DMKN: variants seen among roughly 807,000 people sequenced by gnomAD.
The protein encoded by DMKN is epidermis-specific secreted protein SK30/SK89.
A neutral mutation model predicts 67.6 loss-of-function variants in DMKN; 58 were observed. The ratio of observed to expected loss-of-function variants is 0.86; its 90% CI spans 0.69 to 1.07. DMKN has a LOEUF of 1.07. Ranked by LOEUF, DMKN falls within the 50% of genes least tolerant of loss-of-function variation. The probability of loss-of-function intolerance (pLI) is 0.00; values close to 1 mark genes in which losing one functional copy is unlikely to be tolerated. For missense variants in DMKN, 596 were observed against 601.5 expected (o/e 0.99, Z 0.10); for synonymous variants, 240 against 232.3 (o/e 1.03, Z -0.30).
chr19:35,502,507 G>T (rs1313503649), intron 10 of DMKN, among the ~76,000 whole-genome samples: 1 of 151,872 alleles, frequency 6.6e-6, no homozygotes, highest in Non-Finnish European at 1.5e-5. Flanking sequence ...AGACTATCCT[G>T]GCTAACATGG....
chr19:35,500,780 A>G (rs1055274038), intron 11 of DMKN, among the ~76,000 whole-genome samples, 200 bp from the exon 12 acceptor site: 2 of 152,244 alleles, frequency 1.3e-5, no homozygotes, highest in African/African-American at 4.8e-5. Flanking sequence ...GGAGAGAACC[A>G]GGTTTGGCAA....
At chr19:35,511,867 C>T in intron 3 of DMKN, 54 bp from the exon 4 acceptor site, 1 of 1,568,662 alleles carries the variant, frequency 6.4e-7, no homozygotes, top group South Asian at 1.2e-5. Context: ...GAGACGTTGG[C>T]CTCGGCCATG....
rs555728867 is a variant in DMKN at position 35,512,330 on chromosome 19, C to A, written c.684+91G>T. On this transcript the variant is annotated intron_variant, in intron 3 of 15. Coordinates refer to ENST00000339686, the MANE Select transcript of DMKN (RefSeq NM_033317.5). ...TTCCTCTCACCCCAATCCCTCCACT[C>A]CCCCATCTTGCTTTCCTCTTTGTCT... The A allele has an allele frequency of 6.6e-4, 1,007 of 1,521,388 alleles. 4 individuals carry two copies. In the African/African-American group the frequency reaches 0.013, roughly 19 times the overall value. The allele number at this position is 1,521,388 out of a possible 1,614,324, so 94.2% of individuals were successfully genotyped here. A position where few individuals can be genotyped will look rare whatever the true frequency, so the allele number is the denominator to read the frequency against.
chr19:35,504,576 T>A, intron 9 of DMKN, among the ~76,000 whole-genome samples: 1 of 89,754 alleles, frequency 1.1e-5, no homozygotes, highest in Non-Finnish European at 2.0e-5. Flanking sequence ...AGACTCCGTC[T>A]CACCAAAAAA....
chr19:35,507,759 G>T (rs369033288), intron 7 of DMKN: 1 of 504,338 alleles, frequency 2.0e-6, no homozygotes, highest in Non-Finnish European at 3.6e-6. Context: ...AGATAACATC[G>T]CCATCTCTGT....
chr19:35,511,890 G>A, intron 3 of DMKN, 77 bp from the exon 4 acceptor site: 2 of 1,468,842 alleles, frequency 1.4e-6, no homozygotes, highest in Non-Finnish European at 9.2e-7. Context: ...CACAGGCCAG[G>A]CCTCTCCCAT....
rs1327134844 is a variant in DMKN, at chr19:35,499,056, G to A, written c.1360-159C>T. 1.9e-5 allele frequency: 19 copies of A among 996,624 alleles called. 1 individual carries two copies. The highest frequency in any genetic ancestry group is 1.5e-6 in the Non-Finnish European group (1 of 669,738). The allele number at this position is 996,624 out of a possible 1,614,324, so 61.7% of individuals were successfully genotyped here. A position where few individuals can be genotyped will look rare whatever the true frequency, so the allele number is the denominator to read the frequency against. ...CTGTGGACATTCAGGCTGTGGAGTTGGTTTCACAGCACGTTTATCATCCTG... is the reference window on the plus strand; with the variant it reads ...CTGTGGACATTCAGGCTGTGGAGTTAGTTTCACAGCACGTTTATCATCCTG... On this transcript the variant is annotated intron_variant, in intron 13 of 15. Coordinates refer to ENST00000339686, the MANE Select transcript of DMKN (RefSeq NM_033317.5).
intron 13 of DMKN, 185 bp downstream of exon 13, chr19:35,499,773 C>T: frequency 1.6e-6 from 1 of 610,586 alleles, no homozygotes; most frequent in Non-Finnish European, 2.9e-6. Flanking sequence ...ACCCTCCTGC[C>T]CTCCACTTCC....
At chr19:35,504,580 CAA>C (rs532027754) in intron 9 of DMKN, among the ~76,000 whole-genome samples, 1 of 111,914 alleles carries the variant, frequency 8.9e-6, no homozygotes, top group Non-Finnish European at 1.9e-5. Context: ...TCCGTCTCAC[CAA>C]AAAAAAAAAA....
intron 7 of DMKN, chr19:35,508,197 C>T: frequency 6.4e-7 from 1 of 1,552,220 alleles, no homozygotes; most frequent in Non-Finnish European, 8.7e-7. Flanking sequence ...CATCTACCAT[C>T]CTCTTACCCT....
At chr19:35,509,226 G>C (rs1045110364) in intron 7 of DMKN, among the ~76,000 whole-genome samples, 7 of 151,450 alleles carry the variant, frequency 4.6e-5, no homozygotes. Context: ...ATCTCAAAAA[G>C]GAAAAAAACA....
intron 7 of DMKN, among the ~76,000 whole-genome samples, chr19:35,509,122 G>T (rs1344631278): frequency 5.3e-5 from 8 of 152,248 alleles, no homozygotes; most frequent in African/African-American, 1.9e-4. Flanking sequence ...TCGGGAGGCT[G>T]AGGTAAGAGA....
At chr19:35,504,780 G>T (rs574687832) in intron 9 of DMKN, among the ~76,000 whole-genome samples, 51 of 151,854 alleles carry the variant, frequency 3.4e-4, no homozygotes, top group African/African-American at 1.2e-3. Context: ...CTGCTCACAG[G>T]GGCCAGTCAG....
chr19:35,507,420 C>G (rs2069784599), intron 7 of DMKN: 1 of 1,538,044 alleles, frequency 6.5e-7, no homozygotes, highest in African/African-American at 1.4e-5. Context: ...TTCACCATCC[C>G]TTCTCCTAAA....
In DMKN at chr19:35,498,871, C is replaced by T. The variant is rs2067897339; in HGVS notation, c.1383+3G>A. 6.2e-7 allele frequency: 1 copy of T among 1,614,042 alleles called. No homozygotes were observed. Among genetic ancestry groups the T allele is most frequent in the South Asian group, 1.1e-5 (1 of 91,088 alleles). On this transcript the variant is annotated splice_donor_region_variant and intron_variant, in intron 14 of 15. Coordinates refer to ENST00000339686, the MANE Select transcript of DMKN (RefSeq NM_033317.5). Reference sequence around the variant, plus strand: ...CAGATGAAGATCAGGCCCCCATACTCACCGAGGAAGAAGGTGAGACTCCCC... The same window carrying T: ...CAGATGAAGATCAGGCCCCCATACTTACCGAGGAAGAAGGTGAGACTCCCC...
chr19:35,511,432 G>A lies in DMKN; in HGVS notation c.897C>T (p.Asp299=). 1 of 1,590,124 alleles carries A rather than the reference G, an allele frequency of 6.3e-7. No homozygotes were observed. Among genetic ancestry groups the A allele is most frequent in the Non-Finnish European group, 8.5e-7 (1 of 1,173,104 alleles). The change falls in exon 5 of 16, where the codon GAC becomes GAT. Residue 299 remains aspartate, a synonymous_variant. Coordinates refer to ENST00000339686, the MANE Select transcript of DMKN (RefSeq NM_033317.5). Reference sequence around the variant, plus strand: ...TCACCCAGGAGGACTCACTGCCGCTGTCACCTCTGCTGCCACCACTGTTGC... The same window carrying A: ...TCACCCAGGAGGACTCACTGCCGCTATCACCTCTGCTGCCACCACTGTTGC... ...SSGNSGGSRG[D]SGSESSWGSS...
chr19:35,511,826 A>C lies in DMKN; in HGVS notation c.685-13T>G. Reference sequence around the variant, plus strand: ...GGGGATTCGTGCACTGTCGAGGGAAAGGGATGGTGAGTTTGGGGACGGTGA... The same window carrying C: ...GGGGATTCGTGCACTGTCGAGGGAACGGGATGGTGAGTTTGGGGACGGTGA... On this transcript the variant is annotated splice_polypyrimidine_tract_variant and intron_variant, in intron 3 of 15. Coordinates refer to ENST00000339686, the MANE Select transcript of DMKN (RefSeq NM_033317.5). 1 of 1,610,288 alleles carries C rather than the reference A, an allele frequency of 6.2e-7. No homozygotes were observed. The highest frequency in any genetic ancestry group is 8.5e-7 in the Non-Finnish European group (1 of 1,177,834).
Position 35,510,186 on chromosome 19 carries a change from CG to C in DMKN, c.984del (p.Cys330ValfsTer47). On this transcript the variant is annotated frameshift_variant, in exon 6 of 16. Transcript: ENST00000339686. LOFTEE classifies it high-confidence loss of function. ...GGAGATTCACGCCAGCCACTCACCC[CG>C]GGTTTATGTCCATTTCCTCCGCCGC... ...GGSGGGNGHKPGCEKPGNEAR... is the reference protein window; with the variant it reads ...GGSGGGNGHKXGCEKPGNEAR... The C allele has an allele frequency of 5.0e-6, 8 of 1,608,174 alleles. No individual in the cohort carries two copies. Among genetic ancestry groups the C allele is most frequent in the Non-Finnish European group, 5.9e-6 (7 of 1,177,406 alleles).
At chr19:35,498,360 T>G in intron 15 of DMKN, 1 of 246,906 alleles carries the variant, frequency 4.1e-6, no homozygotes, top group East Asian at 1.0e-4. Flanking sequence ...GAATGGTTTG[T>G]TTTGTTTTGG....
Sources: gnomAD v4.1 joint callset for allele counts (sites outside exome capture counted in the v4.1 genomes callset) on GRCh38, gnomAD v4.1.1 for gene constraint, MANE v1.5 for transcripts, NCBI Gene and HGNC (gene_info 2026-07-23, HGNC 2026-07-21) for gene names.